The following TTC33 variants were observed in gnomAD, a reference collection of about 807,000 sequenced individuals.
The protein encoded by TTC33 is tetratricopeptide repeat protein 33.
TTC33 carries 24 observed loss-of-function variants against 29.4 expected under a neutral mutation model. The ratio of observed to expected loss-of-function variants is 0.82; its 90% CI spans 0.59 to 1.15. The LOEUF (loss-of-function observed/expected upper bound fraction) is 1.15, where lower values mean the gene tolerates loss of function less well. Ranked by LOEUF, TTC33 falls within the 50% of genes most tolerant of loss-of-function variation. TTC33 has a pLI of 0.00. For missense variants in TTC33, 286 were observed against 310.4 expected, an observed-to-expected ratio of 0.92 and a Z score of 0.59; for synonymous variants, 107 against 100.3, an observed-to-expected ratio of 1.07 and a Z score of -0.40.
chr5:40,735,503 G>A (rs1050704105), intron 2 of TTC33, among the ~76,000 whole-genome samples: 1 of 152,178 alleles, frequency 6.6e-6, no homozygotes, highest in Non-Finnish European at 1.5e-5. Context: ...CAGAGCCTGA[G>A]GCCAAAGCTT....
chr5:40,716,148 T>C lies in TTC33; in HGVS notation c.786A>G (p.Arg262=), dbSNP rs766970034. The part of the protein sequence containing the change: ...PPDGSVFIKA[R] The stretch of plus-strand genomic sequence containing the variant: ...AAATAATCCTATGCATACTGCTTCA[T>C]CGGGCTTTGATAAAAACAGAGCCAT... Residue 262 remains arginine (R), a synonymous_variant, in exon 5 of 5, where the codon CGA becomes CGG. Transcript: ENST00000337702. The C allele has an allele frequency of 1.3e-6, 2 of 1,596,060 alleles. No individual in the cohort carries two copies. The highest frequency in any genetic ancestry group is 3.4e-5 in the Admixed American group (2 of 58,226).
At chr5:40,728,291 A>AAAAAAAAAAAAAAAAAAAAAC in intron 4 of TTC33, 54 bp downstream of exon 4, 2 of 1,238,616 alleles carry the variant, frequency 1.6e-6, no homozygotes, top group Non-Finnish European at 2.2e-6. Flanking sequence ...CAAAAAAAAA[A>AAAAAAAAAAAAAAAAAAAAAC]AAAAGTCAAA....
chr5:40,752,330 C>A (rs1200147162), intron 1 of TTC33, among the ~76,000 whole-genome samples: 1 of 152,238 alleles, frequency 6.6e-6, no homozygotes, highest in Non-Finnish European at 1.5e-5. Context: ...CTTTCAATTT[C>A]ATTGAAGAAC....
intron 2 of TTC33, among the ~76,000 whole-genome samples, chr5:40,735,433 T>G (rs911507086): frequency 2.0e-5 from 3 of 152,148 alleles, no homozygotes; most frequent in Admixed American, 6.5e-5. Flanking sequence ...TGGCTCAACT[T>G]GGACTTGGTA....
In TTC33 at chr5:40,730,254, A is replaced by T; in HGVS notation, c.303+8T>A. 1 of 1,591,774 alleles carries T rather than the reference A, an allele frequency of 6.3e-7. No individual in the cohort carries two copies. The highest frequency in any genetic ancestry group is 8.6e-7 in the Non-Finnish European group (1 of 1,164,930). ...CATAAGGAAAGTGAAATTCTTCATA[A>T]TTATTACCTGTGATTTCATCTCGTA... On this transcript the variant is annotated splice_region_variant and intron_variant, in intron 3 of 4. Transcript: ENST00000337702.
chr5:40,725,797 T>C (rs1164639433), intron 4 of TTC33, among the ~76,000 whole-genome samples: 4 of 150,668 alleles, frequency 2.7e-5, no homozygotes, highest in Non-Finnish European at 4.4e-5. Flanking sequence ...TTTTTTTTTT[T>C]TTTTTTTGAG....
chr5:40,716,795 T>C (rs1325208514), intron 4 of TTC33, among the ~76,000 whole-genome samples: 1 of 152,178 alleles, frequency 6.6e-6, no homozygotes, highest in African/African-American at 2.4e-5. Flanking sequence ...AGTAGACCAG[T>C]AAGTATGTAC....
intron 2 of TTC33, among the ~76,000 whole-genome samples, chr5:40,742,703 A>G (rs991842852): frequency 6.6e-6 from 1 of 152,202 alleles, no homozygotes; most frequent in Non-Finnish European, 1.5e-5. Flanking sequence ...AAGAAAAAGA[A>G]TAAGACCCAG....
rs1741930621 is a variant in TTC33, at chr5:40,713,202, T to C, written c.*2943A>G. Among the ~76,000 whole-genome samples, 1 of 152,156 alleles carries C rather than the reference T, an allele frequency of 6.6e-6. No homozygotes were observed. The highest frequency in any genetic ancestry group is 2.1e-4 in the South Asian group (1 of 4,836). On this transcript the variant is annotated 3_prime_UTR_variant, in exon 5 of 5. Coordinates refer to ENST00000337702, the MANE Select transcript of TTC33 (RefSeq NM_012382.3). Reference sequence around the variant, plus strand: ...ACTCATTTAGATATTAATACATGTATCATGAAATCATAGCTCAGAATTGCT... The same window carrying C: ...ACTCATTTAGATATTAATACATGTACCATGAAATCATAGCTCAGAATTGCT...
chr5:40,718,845 G>C (rs1742065772), intron 4 of TTC33, among the ~76,000 whole-genome samples: 1 of 152,102 alleles, frequency 6.6e-6, no homozygotes, highest in Non-Finnish European at 1.5e-5. Context: ...AGGTTGCAGT[G>C]AGCCAAGATG....
intron 4 of TTC33, among the ~76,000 whole-genome samples, chr5:40,718,991 A>G (rs140394311): frequency 0.017 from 2,623 of 152,346 alleles, 76 homozygotes; most frequent in African/African-American, 0.06. Flanking sequence ...CCACCTATAT[A>G]GAAGTGTTAA....
At position 40,722,398 on chromosome 5, in the gene TTC33, G is replaced by T. The variant is rs923079944; in HGVS notation, c.436-5900C>A. Among the ~76,000 whole-genome samples, 165 of 145,728 alleles carry T rather than the reference G, an allele frequency of 1.1e-3. 2 individuals are homozygous for T. The highest frequency in any genetic ancestry group is 4.4e-3 in the Admixed American group (64 of 14,628). On this transcript the variant is annotated intron_variant, in intron 4 of 4. Coordinates refer to ENST00000337702, the MANE Select transcript of TTC33 (RefSeq NM_012382.3). ...TGGGATGTGAGGAGCCCCTCTGCCCGGCCGCCCAGTCTGGGAAGTGAGGAG... is the reference window on the plus strand; with the variant it reads ...TGGGATGTGAGGAGCCCCTCTGCCCTGCCGCCCAGTCTGGGAAGTGAGGAG...
chr5:40,734,717 C>A (rs948451997), intron 2 of TTC33, among the ~76,000 whole-genome samples: 1 of 152,124 alleles, frequency 6.6e-6, no homozygotes, highest in East Asian at 1.9e-4. Context: ...TTACTGGGCA[C>A]CTACCCTGGG....
intron 4 of TTC33, among the ~76,000 whole-genome samples, chr5:40,726,901 C>T (rs1467558199): frequency 6.6e-6 from 1 of 152,074 alleles, no homozygotes; most frequent in Non-Finnish European, 1.5e-5. Context: ...ATTCTTTGAA[C>T]TCTTTTTTCC....
At chr5:40,723,264 C>T (rs1157825708) in intron 4 of TTC33, among the ~76,000 whole-genome samples, 1 of 151,910 alleles carries the variant, frequency 6.6e-6, no homozygotes, top group African/African-American at 2.4e-5. Flanking sequence ...TCACCACTCC[C>T]TAATCTCAAG....
intron 4 of TTC33, among the ~76,000 whole-genome samples, chr5:40,717,257 G>A (rs1239397298): frequency 6.8e-6 from 1 of 146,622 alleles, no homozygotes; most frequent in African/African-American, 2.5e-5. Context: ...AGATTTACAT[G>A]TATTAACTCA....
At chr5:40,741,619 C>T (rs572395296) in intron 2 of TTC33, among the ~76,000 whole-genome samples, 1 of 152,306 alleles carries the variant, frequency 6.6e-6, no homozygotes, top group South Asian at 2.1e-4. Flanking sequence ...CATCTCCTCA[C>T]GCAGCAAGAC....
At chr5:40,744,045 A>G (rs1742747169) in intron 2 of TTC33, among the ~76,000 whole-genome samples, 1 of 152,216 alleles carries the variant, frequency 6.6e-6, no homozygotes, top group Non-Finnish European at 1.5e-5. Context: ...TTTTCCTTCC[A>G]CACATTAGTG....
At chr5:40,749,492 A>C (rs1013928256) in intron 1 of TTC33, among the ~76,000 whole-genome samples, 1 of 152,224 alleles carries the variant, frequency 6.6e-6, no homozygotes, top group African/African-American at 2.4e-5. Flanking sequence ...AAAAGCAACG[A>C]ATCAGAGGGC....
Sources: allele counts gnomAD v4.1 joint callset (sites outside exome capture counted in the v4.1 genomes callset), GRCh38; gene constraint gnomAD v4.1.1; transcripts MANE v1.5; gene names NCBI Gene and HGNC (gene_info 2026-07-23, HGNC 2026-07-21).